Variants in HELZ observed in about 807,000 individuals in gnomAD.
The protein encoded by HELZ is helicase with zinc finger, also known as ATP-dependent RNA helicase with zinc finger domain.
A neutral mutation model predicts 218.2 loss-of-function variants in HELZ; 23 were observed. That is an observed-to-expected ratio of 0.11 (90% confidence interval 0.08 to 0.15). The LOEUF (loss-of-function observed/expected upper bound fraction) is 0.15, where lower values mean the gene tolerates loss of function less well. Among genes scored for constraint, HELZ ranks in the 10% least tolerant of loss-of-function variants. The pLI, the probability that HELZ is intolerant of heterozygous loss-of-function variation, is 1.00. For synonymous variants in HELZ, 814 were observed against 829.4 expected, an observed-to-expected ratio of 0.98 and a Z score of 0.32; for missense variants, 1,813 against 2,353.7, an observed-to-expected ratio of 0.77 and a Z score of 4.75.
chr17:67,178,408 A>G (rs1169292234), intron 13 of HELZ, among the ~76,000 whole-genome samples: 1 of 152,172 alleles, frequency 6.6e-6, no homozygotes, highest in Admixed American at 6.5e-5. Context: ...TCTGGCAAAG[A>G]GCTTGTCCCC....
intron 17 of HELZ, 30 bp downstream of exon 17, chr17:67,160,231 C>T (rs1235260274): frequency 8.1e-7 from 1 of 1,239,164 alleles, no homozygotes; most frequent in Non-Finnish European, 1.2e-6. Flanking sequence ...AAGTATGATA[C>T]AGATACATAA....
At chr17:67,200,120 A>G (rs987845003) in intron 7 of HELZ, among the ~76,000 whole-genome samples, 1 of 152,240 alleles carries the variant, frequency 6.6e-6, no homozygotes, top group Non-Finnish European at 1.5e-5. Flanking sequence ...CCTAGCACAT[A>G]GGCAATTTTT....
intron 20 of HELZ, among the ~76,000 whole-genome samples, chr17:67,147,393 C>T (rs999140216): frequency 1.3e-5 from 2 of 152,152 alleles, no homozygotes; most frequent in Non-Finnish European, 2.9e-5. Flanking sequence ...GTATGTCAGG[C>T]CTCAAGAAAC....
chr17:67,228,738 G>C (rs1294823862), intron 3 of HELZ, among the ~76,000 whole-genome samples: 1 of 133,028 alleles, frequency 7.5e-6, no homozygotes, highest in Non-Finnish European at 1.7e-5. Flanking sequence ...TATTATTAGA[G>C]ACAGAGTTTC....
rs1190980136 is a variant in HELZ at position 67,074,223 on chromosome 17, C to T, written c.*4029G>A. Reference sequence around the variant, plus strand: ...ATAATGTACGGTAAATCATAAAAGACAAATTACTACCATTGAGGAGCTGGA... The same window carrying T: ...ATAATGTACGGTAAATCATAAAAGATAAATTACTACCATTGAGGAGCTGGA... On this transcript the variant is annotated 3_prime_UTR_variant, in exon 33 of 33. Transcript: ENST00000358691. 7.0e-6 allele frequency: 1 copy of T among 142,610 alleles called. No individual in the cohort carries two copies. Among genetic ancestry groups the T allele is most frequent in the Non-Finnish European group, 1.5e-5 (1 of 66,404 alleles). 8.8% of individuals were successfully genotyped at this position (142,610 alleles called of 1,614,324 possible). A position where few individuals can be genotyped will look rare whatever the true frequency, so the allele number is the denominator to read the frequency against.
At chr17:67,157,416 A>G (rs1045357660) in intron 17 of HELZ, among the ~76,000 whole-genome samples, 10 of 152,176 alleles carry the variant, frequency 6.6e-5, no homozygotes, top group Non-Finnish European at 8.8e-5. Context: ...CGCTGAGCCA[A>G]TTTTCTTGAA....
chr17:67,167,714 C>G lies in HELZ; in HGVS notation c.1513G>C (p.Gly505Arg). 1 of 1,614,104 alleles carries G rather than the reference C, an allele frequency of 6.2e-7. No individual in the cohort carries two copies. Among genetic ancestry groups the G allele is most frequent in the Non-Finnish European group, 8.5e-7 (1 of 1,180,006 alleles). The change falls in exon 14 of 33, where the codon GGA becomes CGA. Residue 505 changes from glycine (G) to arginine (R), a missense_variant. Physicochemically the swap from Gly to Arg is moderately radical, Grantham distance 125 (BLOSUM62 -2). Transcript: ENST00000358691. ...AGCTTAAAGCGACCAAAAAGTTGTC[C>G]ATTCTGAGCATACTTTGCACCTCCA... Reference protein sequence around the residue: ...VSGGAKYAQNGQLFGRFKLTE... With the variant: ...VSGGAKYAQNRQLFGRFKLTE...
intron 18 of HELZ, 60 bp downstream of exon 18, chr17:67,150,986 C>T: frequency 6.8e-7 from 1 of 1,463,498 alleles, no homozygotes; most frequent in Non-Finnish European, 9.4e-7. Context: ...TTTGCCAATC[C>T]CAGTCTAAAC....
chr17:67,166,858 T>C (rs560390011), intron 14 of HELZ, among the ~76,000 whole-genome samples: 1 of 152,224 alleles, frequency 6.6e-6, no homozygotes, highest in Admixed American at 6.5e-5. Flanking sequence ...ATACTATTAT[T>C]AACATCATTT....
chr17:67,089,668 T>TATATATAGAGAG (rs71293575), intron 31 of HELZ, among the ~76,000 whole-genome samples: 16 of 70,636 alleles, frequency 2.3e-4, no homozygotes, highest in African/African-American at 4.2e-4. Context: ...TATATATATA[T>TATATATAGAGAG]AGAGAGAGAG....
At chr17:67,104,905 G>C (rs1395828221) in intron 31 of HELZ, among the ~76,000 whole-genome samples, 1 of 152,158 alleles carries the variant, frequency 6.6e-6, no homozygotes, top group Non-Finnish European at 1.5e-5. Flanking sequence ...GATCACCTGA[G>C]GTCAGGAGTT....
At chr17:67,105,865 C>A (rs1223339824) in intron 31 of HELZ, among the ~76,000 whole-genome samples, 1 of 152,100 alleles carries the variant, frequency 6.6e-6, no homozygotes, top group Non-Finnish European at 1.5e-5. Flanking sequence ...ACAGAATGAG[C>A]CAATCAATGA....
chr17:67,231,038 A>C (rs1254562835), intron 3 of HELZ, among the ~76,000 whole-genome samples: 1 of 152,222 alleles, frequency 6.6e-6, no homozygotes, highest in Admixed American at 6.5e-5. Flanking sequence ...TAAGAAAATC[A>C]GGAAGGATAA....
At chr17:67,084,439 G>C (rs1183377961) in intron 32 of HELZ, among the ~76,000 whole-genome samples, 1 of 151,948 alleles carries the variant, frequency 6.6e-6, no homozygotes, top group African/African-American at 2.4e-5. Context: ...GAGGCGGGCG[G>C]ATCACAAGGT....
intron 31 of HELZ, among the ~76,000 whole-genome samples, chr17:67,106,875 A>G (rs1192224872): frequency 6.6e-6 from 1 of 152,160 alleles, no homozygotes; most frequent in East Asian, 1.9e-4. Context: ...ACTAAAAGCC[A>G]TTTCCTCAGA....
At chr17:67,119,681 T>C (rs1050642748) in intron 27 of HELZ, among the ~76,000 whole-genome samples, 4 of 152,138 alleles carry the variant, frequency 2.6e-5, no homozygotes, top group African/African-American at 9.7e-5. Flanking sequence ...CTAGCAGACT[T>C]GTAGTAAAAA....
intron 26 of HELZ, among the ~76,000 whole-genome samples, chr17:67,121,767 A>G (rs1303384837): frequency 1.3e-5 from 2 of 152,240 alleles, no homozygotes; most frequent in African/African-American, 4.8e-5. Context: ...ACGGCCTCTA[A>G]AAATCTATAG....
intron 2 of HELZ, among the ~76,000 whole-genome samples, chr17:67,240,803 C>A (rs950393434): frequency 2.6e-5 from 4 of 152,052 alleles, no homozygotes; most frequent in African/African-American, 9.7e-5. Context: ...AGAAACTGAC[C>A]CAGTACAATT....
intron 9 of HELZ, among the ~76,000 whole-genome samples, chr17:67,192,685 C>T (rs1261483838): frequency 1.3e-5 from 2 of 152,102 alleles, no homozygotes; most frequent in Non-Finnish European, 2.9e-5. Flanking sequence ...CATTAGTTTC[C>T]TGACTATTCA....
Sources: allele counts gnomAD v4.1 joint callset (sites outside exome capture counted in the v4.1 genomes callset), GRCh38; gene constraint gnomAD v4.1.1; transcripts MANE v1.5; gene names NCBI Gene and HGNC (gene_info 2026-07-23, HGNC 2026-07-21).